Variants in CTSS observed in about 807,000 individuals in gnomAD.
CTSS encodes the protein cathepsin S.
In CTSS, 15 loss-of-function variants were observed where a neutral mutation model predicts 39.9. The observed-to-expected ratio is 0.38, with a 90% CI of 0.25 to 0.58. The LOEUF is 0.58. Ranked by LOEUF, CTSS falls within the 20% of genes least tolerant of loss-of-function variation. CTSS has a pLI of 0.70. For synonymous variants in CTSS, 126 were observed against 138.2 expected, an observed-to-expected ratio of 0.91 and a Z score of 0.62; for missense variants, 250 against 398.2, an observed-to-expected ratio of 0.63 and a Z score of 3.17.
intron 7 of CTSS, among the ~76,000 whole-genome samples, chr1:150,737,286 G>C (rs967072262): frequency 1.2e-4 from 18 of 152,240 alleles, no homozygotes; most frequent in African/African-American, 4.3e-4. Flanking sequence ...ATTTTTAGTA[G>C]AGATGGAGTG....
chr1:150,748,849 TACC>T (rs1473774039), intron 6 of CTSS, among the ~76,000 whole-genome samples: 1 of 152,270 alleles, frequency 6.6e-6, no homozygotes, highest in African/African-American at 2.4e-5. Context: ...TGTGTCCTTG[TACC>T]ACATTTTGGT....
chr1:150,753,683 C>A (rs2101921703), intron 4 of CTSS, among the ~76,000 whole-genome samples: 1 of 152,284 alleles, frequency 6.6e-6, no homozygotes, highest in South Asian at 2.1e-4. Context: ...AACACGAGGG[C>A]TCATGCCTAT....
chr1:150,764,060 T>A (rs12059376), intron 2 of CTSS, among the ~76,000 whole-genome samples: 73 of 152,218 alleles, frequency 4.8e-4, no homozygotes, highest in African/African-American at 1.7e-3. Flanking sequence ...CTACTCTCCA[T>A]GCCTTCTGTT....
chr1:150,752,446 A>G (rs1341215566), intron 4 of CTSS, among the ~76,000 whole-genome samples: 5 of 152,172 alleles, frequency 3.3e-5, no homozygotes, highest in Non-Finnish European at 7.4e-5. Context: ...CTAGGTTGGC[A>G]TTTTTCAAAC....
At chr1:150,757,796 G>A (rs1393869488) in intron 3 of CTSS, 62 bp downstream of exon 3, 2 of 1,557,408 alleles carry the variant, frequency 1.3e-6, no homozygotes, top group Admixed American at 1.8e-5. Context: ...TGCTTTTGGG[G>A]AGACAGAAAG....
intron 2 of CTSS, among the ~76,000 whole-genome samples, chr1:150,760,041 AAG>A (rs1411944379): frequency 6.6e-6 from 1 of 152,192 alleles, no homozygotes; most frequent in Non-Finnish European, 1.5e-5. Context: ...AAAAAAAAAA[AAG>A]AAGTGCACTT....
At chr1:150,739,251 G>A (rs1652696428) in intron 7 of CTSS, among the ~76,000 whole-genome samples, 1 of 152,100 alleles carries the variant, frequency 6.6e-6, no homozygotes, top group South Asian at 2.1e-4. Context: ...GTGAAAGGAA[G>A]AGTTATACAT....
At chr1:150,743,048 T>C (rs1412946540) in intron 7 of CTSS, among the ~76,000 whole-genome samples, 4 of 152,116 alleles carry the variant, frequency 2.6e-5, no homozygotes, top group African/African-American at 9.7e-5. Flanking sequence ...CTGGGGATCA[T>C]CTACATAATG....
In CTSS at chr1:150,755,131, G is replaced by A; in HGVS notation, c.269C>T (p.Ser90Phe). 1.2e-6 allele frequency: 2 copies of A among 1,614,132 alleles called. No homozygotes were observed. The highest frequency in any genetic ancestry group is 2.2e-5 in the South Asian group (2 of 91,078). Residue 90 changes from serine to phenylalanine, a missense_variant, in exon 4 of 8, where the codon TCT (serine) becomes TTT (phenylalanine). By Grantham distance (155) the Ser-to-Phe change is radical. Coordinates refer to ENST00000368985, the MANE Select transcript of CTSS (RefSeq NM_004079.5). ...GGGAACTCTCAGGGAACTCATCAAA[G>A]ACATCACTTCTTCACTGGTCTACAA... Reference protein sequence around the residue: ...LGDMTSEEVMSLMSSLRVPSQ... With the variant: ...LGDMTSEEVMFLMSSLRVPSQ...
At chr1:150,740,230 A>G (rs1443635528) in intron 7 of CTSS, among the ~76,000 whole-genome samples, 7 of 152,240 alleles carry the variant, frequency 4.6e-5, no homozygotes, top group Admixed American at 4.6e-4. Context: ...GTAAAATACT[A>G]TAATAGAATT....
In CTSS at chr1:150,732,784, T is replaced by C; in HGVS notation, c.*262A>G. On this transcript the variant is annotated 3_prime_UTR_variant, in exon 8 of 8. Coordinates refer to ENST00000368985, the MANE Select transcript of CTSS (RefSeq NM_004079.5). The stretch of plus-strand genomic sequence containing the variant: ...CACCGTGCTCGGCTAATTTTTTGTA[T>C]TTTTAGTAGAGATGGGGTTTCACCA... 1 of 260,828 alleles carries C rather than the reference T, an allele frequency of 3.8e-6. No individual in the cohort carries two copies. The highest frequency in any genetic ancestry group is 4.9e-5 in the South Asian group (1 of 20,526). The allele number at this position is 260,828 out of a possible 1,614,324, so 16.2% of individuals were successfully genotyped here. A position where few individuals can be genotyped will look rare whatever the true frequency, so the allele number is the denominator to read the frequency against.
chr1:150,734,646 AAAAAG>A (rs1652597196), intron 7 of CTSS, among the ~76,000 whole-genome samples: 1 of 152,132 alleles, frequency 6.6e-6, no homozygotes, highest in South Asian at 2.1e-4. Context: ...ACTGTCTCAA[AAAAAG>A]AAAATAAATA....
chr1:150,759,205 G>A (rs759210091), intron 2 of CTSS, among the ~76,000 whole-genome samples: 5 of 151,776 alleles, frequency 3.3e-5, no homozygotes, highest in African/African-American at 1.2e-4. Flanking sequence ...TTACAACTTC[G>A]TTACATGTAT....
intron 2 of CTSS, among the ~76,000 whole-genome samples, chr1:150,762,959 A>T (rs1653294848): frequency 1.3e-5 from 2 of 152,172 alleles, no homozygotes; most frequent in Non-Finnish European, 2.9e-5. Context: ...TGTCAATGAG[A>T]TAGCTGCACT....
intron 2 of CTSS, among the ~76,000 whole-genome samples, chr1:150,759,469 C>T (rs1653205924): frequency 6.6e-6 from 1 of 152,088 alleles, no homozygotes; most frequent in Non-Finnish European, 1.5e-5. Context: ...GTGAATTCCT[C>T]AGTACTATCT....
chr1:150,733,578 T>C lies in CTSS; in HGVS notation c.897-433A>G, dbSNP rs587626699. The stretch of plus-strand genomic sequence containing the variant: ...TTGAGTGACTACTATGAAAAAGGTA[T>C]AGGGCAGGGAATTCTAAAGCAAACA... On this transcript the variant is annotated intron_variant, in intron 7 of 7. Coordinates refer to ENST00000368985, the MANE Select transcript of CTSS (RefSeq NM_004079.5). Among the ~76,000 whole-genome samples, 28 of 152,278 alleles carry C rather than the reference T, an allele frequency of 1.8e-4. No homozygotes were observed. The East Asian group carries it at 5.2e-3, about 28-fold the overall frequency.
chr1:150,747,819 T>G lies in CTSS; in HGVS notation c.854A>C (p.Tyr285Ser), dbSNP rs1571098600. 1.9e-6 allele frequency: 3 copies of G among 1,613,708 alleles called. No homozygotes were observed. Among genetic ancestry groups the G allele is most frequent in the Non-Finnish European group, 2.5e-6 (3 of 1,179,802 alleles). ...GTATTCTTTCCCATTAAGATCACCA[T>G]AGCCAACCACAAGTACACCATGATT... is the stretch of plus-strand genomic sequence containing the variant. ...NVNHGVLVVG[Y>S]GDLNGKEYWL... is the part of the protein sequence containing the mutation. Residue 285 changes from tyrosine (Y) to serine (S), a missense_variant, in exon 7 of 8, where the codon TAT (tyrosine) becomes TCT (serine). By Grantham distance (144) the Tyr-to-Ser change is moderately radical. Transcript: ENST00000368985.
intron 4 of CTSS, among the ~76,000 whole-genome samples, chr1:150,754,153 G>A (rs61817601): frequency 2.4e-5 from 3 of 124,496 alleles, no homozygotes; most frequent in East Asian, 2.4e-4. Context: ...TCACTCTATC[G>A]CCCAGGCTGG....
At chr1:150,734,030 C>CTT (rs1347618244) in intron 7 of CTSS, among the ~76,000 whole-genome samples, 1 of 142,116 alleles carries the variant, frequency 7.0e-6, no homozygotes. Context: ...GTATGGACAT[C>CTT]TTTTTTTTTT....
Sources: gnomAD v4.1 joint callset for allele counts (sites outside exome capture counted in the v4.1 genomes callset) on GRCh38, gnomAD v4.1.1 for gene constraint, MANE v1.5 for transcripts, NCBI Gene and HGNC (gene_info 2026-07-23, HGNC 2026-07-21) for gene names.